The following CACNA1A variants were observed in gnomAD, a reference collection of about 807,000 sequenced individuals.
The protein encoded by CACNA1A is calcium voltage-gated channel subunit alpha1 A.
A neutral mutation model predicts 262.4 loss-of-function variants in CACNA1A; 57 were observed. The observed-to-expected ratio is 0.22, with a 90% CI of 0.18 to 0.27. CACNA1A has a LOEUF of 0.27. CACNA1A is among the 10% of genes least tolerant of loss of function. The probability of loss-of-function intolerance (pLI) is 1.00; values close to 1 mark genes in which losing one functional copy is unlikely to be tolerated. For missense variants in CACNA1A, 2,526 were observed against 3,562.8 expected, an observed-to-expected ratio of 0.71 and a Z score of 7.41; for synonymous variants, 1,431 against 1,419.3, an observed-to-expected ratio of 1.01 and a Z score of -0.18.
chr19:13,453,364 C>T (rs916793440), intron 2 of CACNA1A, among the ~76,000 whole-genome samples: 3 of 152,174 alleles, frequency 2.0e-5, no homozygotes, highest in African/African-American at 7.2e-5. Flanking sequence ...AAATAAAAAA[C>T]ACAGTTCTGC....
At chr19:13,316,867 A>G in intron 11 of CACNA1A, 1 of 397,310 alleles carries the variant, frequency 2.5e-6, no homozygotes, top group Admixed American at 4.0e-5. Flanking sequence ...TCTCTTAGAA[A>G]GGAATCACAG....
At chr19:13,249,317 T>G (rs2056333143) in intron 30 of CACNA1A, among the ~76,000 whole-genome samples, 1 of 151,976 alleles carries the variant, frequency 6.6e-6, no homozygotes, top group Non-Finnish European at 1.5e-5. Flanking sequence ...AGCCACTGTT[T>G]TGGAGGAAAA....
At position 13,235,629 on chromosome 19, in the gene CACNA1A, A is replaced by G. The variant is rs2055849018; in HGVS notation, c.5052T>C (p.Phe1684=). The G allele has an allele frequency of 6.2e-7, 1 of 1,613,090 alleles. No homozygotes were observed. The highest frequency in any genetic ancestry group is 1.7e-5 in the Admixed American group (1 of 60,012). The part of the protein sequence containing the change: ...GYTIRILLWT[F]VQSFKALPYV... The stretch of plus-strand genomic sequence containing the variant: ...GAGGACTCACCTTGAAGGACTGCAC[A>G]AAGGTCCAGAGAAGAATGCGGATGG... Residue 1684 remains phenylalanine, a synonymous_variant, in exon 32 of 47, where the codon TTT becomes TTC. Coordinates refer to ENST00000360228, the MANE Select transcript of CACNA1A (RefSeq NM_001127222.2).
chr19:13,321,105 CTCA>C (rs1281442521), intron 10 of CACNA1A, among the ~76,000 whole-genome samples: 1 of 149,724 alleles, frequency 6.7e-6, no homozygotes, highest in East Asian at 2.0e-4. Flanking sequence ...ACGATCTTGG[CTCA>C]TTGCAACCTC....
intron 24 of CACNA1A, among the ~76,000 whole-genome samples, chr19:13,267,594 A>C (rs2056893848): frequency 6.6e-6 from 1 of 152,118 alleles, no homozygotes; most frequent in African/African-American, 2.4e-5. Flanking sequence ...TGAGCTTTGA[A>C]GTTGAGGGGA....
At chr19:13,330,460 C>T (rs1234515579) in intron 9 of CACNA1A, 127 bp from the exon 10 acceptor site, 1 of 729,402 alleles carries the variant, frequency 1.4e-6, no homozygotes, top group African/African-American at 1.7e-5. Flanking sequence ...AATAGTATAC[C>T]CATTTTTCAG....
chr19:13,300,806 T>C, intron 17 of CACNA1A, 150 bp from the exon 18 acceptor site: 2 of 684,764 alleles, frequency 2.9e-6, no homozygotes, highest in Non-Finnish European at 2.7e-6. Flanking sequence ...CTGCTATTGG[T>C]TAAGTGTATT....
At position 13,396,764 on chromosome 19, in the gene CACNA1A, G is replaced by T. The variant is rs2059818500; in HGVS notation, c.540-24985C>A. The stretch of plus-strand genomic sequence containing the variant: ...GTGTGCCCTCTAGGTCAATGCTCCA[G>T]CGGGCTCTGTGCCCTCGAGGCGGAC... On this transcript the variant is annotated intron_variant, in intron 3 of 46. Coordinates refer to ENST00000360228, the MANE Select transcript of CACNA1A (RefSeq NM_001127222.2). Among the ~76,000 whole-genome samples, 2 of 152,212 alleles carry T rather than the reference G, an allele frequency of 1.3e-5. 1 individual carries two copies. Among genetic ancestry groups the T allele is most frequent in the Admixed American group, 1.3e-4 (2 of 15,286 alleles).
intron 3 of CACNA1A, among the ~76,000 whole-genome samples, chr19:13,410,533 CTTTTTTCTTTT>C (rs1568617933): frequency 0.011 from 1,452 of 134,376 alleles, 26 homozygotes; most frequent in African/African-American, 0.041. Context: ...TTTCTTTATT[CTTTTTTCTTTT>C]TTTTTTTTTT....
intron 1 of CACNA1A, among the ~76,000 whole-genome samples, chr19:13,462,522 C>T (rs534867213): frequency 2.4e-4 from 36 of 152,334 alleles, no homozygotes; most frequent in Non-Finnish European, 4.3e-4. Context: ...ACAAGCACAG[C>T]GACCATAATT....
intron 28 of CACNA1A, among the ~76,000 whole-genome samples, chr19:13,255,724 TCTCCCTCCCTCCTTCC>T (rs1363385676): frequency 3.2e-4 from 8 of 24,804 alleles, no homozygotes; most frequent in Non-Finnish European, 4.3e-4. Flanking sequence ...TCCCTCCTTC[TCTCCCTCCCTCCTTCC>T]CTCCCTCCCT....
chr19:13,209,939 G>A (rs887230235), intron 44 of CACNA1A, among the ~76,000 whole-genome samples: 7 of 152,280 alleles, frequency 4.6e-5, no homozygotes, highest in East Asian at 3.9e-4. Context: ...AGAAGCCTCC[G>A]ACTGTGGCTG....
At chr19:13,251,471 AC>A (rs1474638134) in intron 30 of CACNA1A, among the ~76,000 whole-genome samples, 7 of 152,190 alleles carry the variant, frequency 4.6e-5, no homozygotes, top group Admixed American at 6.5e-5. Context: ...CAACAGCGAG[AC>A]TGTCTCAAAC....
At chr19:13,344,744 A>AT (rs148074953) in intron 6 of CACNA1A, among the ~76,000 whole-genome samples, 19 of 98,180 alleles carry the variant, frequency 1.9e-4, no homozygotes, top group African/African-American at 9.2e-4. Flanking sequence ...TATTTTATTT[A>AT]TTTATTTATT....
intron 10 of CACNA1A, among the ~76,000 whole-genome samples, chr19:13,318,127 A>ATT (rs35082039): frequency 0.29 from 43,067 of 151,050 alleles, 6,483 homozygotes; most frequent in East Asian, 0.47. Context: ...TTAAATAACA[A>ATT]TTTTTTTTTT....
At chr19:13,369,037 C>CAAAAAAAAAA in intron 4 of CACNA1A, among the ~76,000 whole-genome samples, 1 of 48,794 alleles carries the variant, frequency 2.0e-5, no homozygotes, top group African/African-American at 7.3e-5. Context: ...GACTCCGTCT[C>CAAAAAAAAAA]AAAAAAAAAA....
chr19:13,217,468 C>G (rs1314145641), intron 38 of CACNA1A, among the ~76,000 whole-genome samples: 2 of 152,200 alleles, frequency 1.3e-5, no homozygotes, highest in Non-Finnish European at 2.9e-5. Context: ...GCTCAAAGGG[C>G]TGCCACTGTT....
chr19:13,497,108 T>C (rs1599378908), intron 1 of CACNA1A, among the ~76,000 whole-genome samples: 1 of 151,992 alleles, frequency 6.6e-6, no homozygotes, highest in East Asian at 1.9e-4. Context: ...TGCCAGTGTC[T>C]AAACCACAGG....
At chr19:13,389,440 C>T (rs1341627883) in intron 3 of CACNA1A, among the ~76,000 whole-genome samples, 3 of 152,192 alleles carry the variant, frequency 2.0e-5, no homozygotes, top group East Asian at 3.9e-4. Flanking sequence ...GGGACATAAG[C>T]GCTGATGGTG....
Sources: allele counts gnomAD v4.1 joint callset (sites outside exome capture counted in the v4.1 genomes callset), GRCh38; gene constraint gnomAD v4.1.1; transcripts MANE v1.5; gene names NCBI Gene and HGNC (gene_info 2026-07-23, HGNC 2026-07-21).